Variants in C12orf54 observed in about 807,000 individuals in gnomAD.
C12orf54 encodes chromosome 12 open reading frame 54.
Under a neutral mutation model 26.4 loss-of-function variants are expected in C12orf54, and 24 were observed. The observed-to-expected ratio is 0.91, with a 90% CI of 0.66 to 1.28. C12orf54 has a LOEUF of 1.28. C12orf54 is among the 50% of genes most tolerant of loss of function. The pLI is 0.00. For missense variants in C12orf54, 154 were observed against 150.9 expected (o/e 1.02, Z -0.11); for synonymous variants, 54 against 47.0 (o/e 1.15, Z -0.61).
At chr12:48,489,561 G>C (rs1937738489) in intron 5 of C12orf54, among the ~76,000 whole-genome samples, 1 of 151,924 alleles carries the variant, frequency 6.6e-6, no homozygotes, top group Non-Finnish European at 1.5e-5. Context: ...AAGTAGCTGG[G>C]ACTACCACAC....
chr12:48,441,044 G>C, the C12orf54 span, among the ~76,000 whole-genome samples: 1 of 152,086 alleles, frequency 6.6e-6, no homozygotes, highest in Admixed American at 6.6e-5. Context: ...TTATCTCCCT[G>C]AGCCAGTTTC....
intron 4 of C12orf54, chr12:48,487,797 C>A: frequency 2.3e-6 from 1 of 440,998 alleles, no homozygotes; most frequent in Non-Finnish European, 4.1e-6. Flanking sequence ...AAGATACAAC[C>A]ATCTTAAAGT....
the C12orf54 span, among the ~76,000 whole-genome samples, chr12:48,426,836 T>C: frequency 4.6e-5 from 7 of 152,198 alleles, no homozygotes; most frequent in East Asian, 7.7e-4. Flanking sequence ...TTTGTTTTTG[T>C]GGTAATTGTG....
the C12orf54 span, among the ~76,000 whole-genome samples, chr12:48,431,778 A>T: frequency 2.0e-5 from 3 of 152,170 alleles, no homozygotes; most frequent in African/African-American, 7.2e-5. Context: ...CTATATACAT[A>T]AAAAGTAGTT....
chr12:48,452,539 C>T, the C12orf54 span, among the ~76,000 whole-genome samples: 6 of 150,592 alleles, frequency 4.0e-5, no homozygotes, highest in South Asian at 1.3e-3. Flanking sequence ...ACAACGACAA[C>T]AAAAACTATC....
the C12orf54 span, among the ~76,000 whole-genome samples, chr12:48,422,753 C>T: frequency 6.6e-6 from 1 of 152,080 alleles, no homozygotes; most frequent in Admixed American, 6.5e-5. Context: ...TATCAATTTT[C>T]TTCAAATAAG....
chr12:48,460,853 C>A, the C12orf54 span, among the ~76,000 whole-genome samples: 1 of 151,782 alleles, frequency 6.6e-6, no homozygotes, highest in Non-Finnish European at 1.5e-5. Context: ...TACAAAGATG[C>A]AGGAAAAACA....
chr12:48,447,226 G>A, the C12orf54 span, among the ~76,000 whole-genome samples: 19 of 151,944 alleles, frequency 1.3e-4, no homozygotes, highest in African/African-American at 3.9e-4. Context: ...GTGTGTGTGT[G>A]TGTGTGTGTG....
At chr12:48,471,539 CT>C in the C12orf54 span, among the ~76,000 whole-genome samples, 3 of 152,148 alleles carry the variant, frequency 2.0e-5, no homozygotes, top group Non-Finnish European at 2.9e-5. Context: ...AGGTAAGGGT[CT>C]GGTTTCATTC....
upstream of C12orf54, among the ~76,000 whole-genome samples, chr12:48,479,724 C>G (rs1285128484): frequency 1.3e-5 from 2 of 151,844 alleles, no homozygotes; most frequent in African/African-American, 4.8e-5. Context: ...GTGTCCCTCT[C>G]TGGTTGCTTC....
chr12:48,452,380 C>G, the C12orf54 span, among the ~76,000 whole-genome samples: 1 of 152,120 alleles, frequency 6.6e-6, no homozygotes, highest in African/African-American at 2.4e-5. Flanking sequence ...ACTGTAAAAA[C>G]TCTACAAGAA....
the C12orf54 span, among the ~76,000 whole-genome samples, chr12:48,434,863 T>C: frequency 6.6e-6 from 1 of 151,946 alleles, no homozygotes; most frequent in African/African-American, 2.4e-5. Flanking sequence ...CCTCTCCCCC[T>C]CCAAAGGAAC....
the C12orf54 span, chr12:48,472,860 C>T: frequency 1.9e-6 from 3 of 1,613,986 alleles, no homozygotes; most frequent in East Asian, 2.2e-5. Context: ...GTTAAACAAA[C>T]TTAAGAAGCT....
At chr12:48,488,312 C>T in intron 4 of C12orf54, 1 of 545,954 alleles carries the variant, frequency 1.8e-6, no homozygotes, top group Non-Finnish European at 3.4e-6. Flanking sequence ...GGGAAGCCAA[C>T]AGAGATACCT....
upstream of C12orf54, among the ~76,000 whole-genome samples, chr12:48,478,768 C>T (rs1367650928): frequency 1.3e-5 from 2 of 152,142 alleles, no homozygotes; most frequent in Admixed American, 6.5e-5. Flanking sequence ...TGAAAAAATG[C>T]TCACCATCAC....
chr12:48,490,183 G>A (rs935900654), intron 5 of C12orf54, among the ~76,000 whole-genome samples: 14 of 152,202 alleles, frequency 9.2e-5, no homozygotes, highest in Non-Finnish European at 4.4e-5. Flanking sequence ...GAATAGTTAT[G>A]ACTGTAAGTG....
chr12:48,416,646 G>T, the C12orf54 span, among the ~76,000 whole-genome samples: 1 of 152,110 alleles, frequency 6.6e-6, no homozygotes, highest in Non-Finnish European at 1.5e-5. Context: ...TGGGTCACCT[G>T]AGGTCAAGAG....
upstream of C12orf54, among the ~76,000 whole-genome samples, chr12:48,481,053 A>T (rs12815151): frequency 2.7e-5 from 3 of 109,958 alleles, no homozygotes; most frequent in Non-Finnish European, 3.4e-5. Context: ...CTCCAAAAGA[A>T]GGGAGGGAGG....
At chr12:48,479,234 C>T (rs903552453), upstream of C12orf54, among the ~76,000 whole-genome samples, 1 of 152,030 alleles carries the variant, frequency 6.6e-6, no homozygotes, top group African/African-American at 2.4e-5. Flanking sequence ...AAACAGGAAA[C>T]CATCATTCTC....
Sources: allele counts gnomAD v4.1 joint callset (sites outside exome capture counted in the v4.1 genomes callset), GRCh38; gene constraint gnomAD v4.1.1; transcripts MANE v1.5; gene names NCBI Gene and HGNC (gene_info 2026-07-23, HGNC 2026-07-21).